WDR37: variants seen among roughly 807,000 people sequenced by gnomAD.
The protein encoded by WDR37 is WD repeat domain 37.
Under a neutral mutation model 62.9 loss-of-function variants are expected in WDR37, and 19 were observed. The ratio of observed to expected loss-of-function variants is 0.30; its 90% CI spans 0.21 to 0.44. The LOEUF (loss-of-function observed/expected upper bound fraction) is 0.44. WDR37 is among the 20% of genes least tolerant of loss of function. The pLI is 1.00. For missense variants in WDR37, 474 were observed against 657.6 expected (o/e 0.72, Z 3.05); for synonymous variants, 250 against 260.9 (o/e 0.96, Z 0.40).
Position 1,056,594 on chromosome 10 carries a change from C to T in WDR37, c.-415C>T, listed in dbSNP as rs1833171602. 1 of 152,288 alleles carries T rather than the reference C, an allele frequency of 6.6e-6. No individual in the cohort carries two copies. The highest frequency in any genetic ancestry group is 2.4e-5 in the African/African-American group (1 of 41,460). The allele number at this position is 152,288 out of a possible 1,614,324, so 9.4% of individuals were successfully genotyped here. On this transcript the variant is annotated 5_prime_UTR_variant, in exon 1 of 14. Coordinates refer to ENST00000263150, the MANE Select transcript of WDR37 (RefSeq NM_014023.4). ...GTAGCTACGACCCCCGAGGCCACCTCCCGCGAACCGCTCGGCGGCAGGAGT... is the reference window on the plus strand; with the variant it reads ...GTAGCTACGACCCCCGAGGCCACCTTCCGCGAACCGCTCGGCGGCAGGAGT...
rs1330623519 is a variant in WDR37, at chr10:1,126,387, CAG to C, written c.1353+1366_1353+1367del. Among the ~76,000 whole-genome samples the C allele has an allele frequency of 9.6e-5, 14 of 145,360 alleles. No homozygotes were observed. In the East Asian group the frequency reaches 1.6e-3, roughly 17 times the overall value. Reference sequence around the variant, plus strand: ...CGCCACTGCACTCCAGCCTGGGCGACAGAGCGAGACTGTGTCTCAGAAAAAAA... The same window carrying C: ...CGCCACTGCACTCCAGCCTGGGCGACAGCGAGACTGTGTCTCAGAAAAAAA... On this transcript the variant is annotated intron_variant, in intron 13 of 13. Coordinates refer to ENST00000263150, the MANE Select transcript of WDR37 (RefSeq NM_014023.4).
intron 7 of WDR37, 95 bp downstream of exon 7, chr10:1,086,452 A>T: frequency 1.0e-6 from 1 of 962,812 alleles, no homozygotes; most frequent in Non-Finnish European, 1.6e-6. Context: ...GCTACTGTGT[A>T]GGAAGCCTTA....
intron 13 of WDR37, 65 bp downstream of exon 13, chr10:1,125,089 A>T (rs1036796578): frequency 1.5e-5 from 23 of 1,568,652 alleles, no homozygotes; most frequent in Non-Finnish European, 2.0e-5. Context: ...GATATTTTAC[A>T]TTCTCATTTT....
chr10:1,091,189 C>T (rs572819636), intron 7 of WDR37, among the ~76,000 whole-genome samples: 2 of 152,326 alleles, frequency 1.3e-5, no homozygotes, highest in South Asian at 2.1e-4. Context: ...TGGTGCCTTC[C>T]ACCCACACCT....
In WDR37 at chr10:1,103,954, C is replaced by T; in HGVS notation, c.961+118C>T. The T allele has an allele frequency of 1.0e-6, 1 of 989,272 alleles. No individual in the cohort carries two copies. The highest frequency in any genetic ancestry group is 1.5e-6 in the Non-Finnish European group (1 of 679,394). 61.3% of individuals were successfully genotyped at this position (989,272 alleles called of 1,614,324 possible). On this transcript the variant is annotated intron_variant, in intron 10 of 13. Transcript: ENST00000263150. This position sits in a 1 kb window ranked among gnomAD's most constrained non-coding sequence, Gnocchi z 6.3. ...AGAATGAGTCTCTGTGTTCTTGGCT[C>T]TTCTGTGGTAATTTTTGGAGATTCT...
chr10:1,073,058 T>C (rs1833773427), intron 2 of WDR37, among the ~76,000 whole-genome samples: 1 of 152,238 alleles, frequency 6.6e-6, no homozygotes, highest in South Asian at 2.1e-4. Flanking sequence ...TAAAATGAAC[T>C]AATTATTTTT....
intron 2 of WDR37, chr10:1,074,257 G>A: frequency 9.1e-7 from 1 of 1,096,360 alleles, no homozygotes; most frequent in Non-Finnish European, 1.2e-6. Context: ...CTGCTGGCAT[G>A]TTCTAGAGTT....
intron 1 of WDR37, among the ~76,000 whole-genome samples, chr10:1,064,520 A>G (rs1306337281): frequency 6.6e-6 from 1 of 151,310 alleles, no homozygotes; most frequent in Non-Finnish European, 1.5e-5. Flanking sequence ...AACTGAAGAC[A>G]GAAGCATAGT....
intron 11 of WDR37, among the ~76,000 whole-genome samples, chr10:1,112,464 T>C (rs549834604): frequency 1.3e-5 from 2 of 152,322 alleles, no homozygotes; most frequent in South Asian, 4.1e-4. Context: ...AACATCCCTA[T>C]AGCAGCCTCT....
At chr10:1,122,392 CAG>C (rs1564513467) in intron 11 of WDR37, among the ~76,000 whole-genome samples, 1 of 152,148 alleles carries the variant, frequency 6.6e-6, no homozygotes, top group African/African-American at 2.4e-5. Flanking sequence ...CCCTGGGAGA[CAG>C]TGTAGGGGTC....
intron 13 of WDR37, 146 bp downstream of exon 13, chr10:1,125,170 A>G: frequency 7.2e-7 from 1 of 1,384,634 alleles, no homozygotes; most frequent in Non-Finnish European, 9.5e-7. Context: ...ATAAAATTTA[A>G]AATTGAAGAA....
intron 11 of WDR37, among the ~76,000 whole-genome samples, chr10:1,118,411 G>A (rs1445518923): frequency 1.2e-4 from 18 of 149,662 alleles, no homozygotes. Flanking sequence ...TCTGTTTGAA[G>A]TCCCTGCACA....
chr10:1,066,438 AAAAC>A (rs1189355642), intron 1 of WDR37, among the ~76,000 whole-genome samples: 3 of 152,188 alleles, frequency 2.0e-5, no homozygotes, highest in Non-Finnish European at 2.9e-5. Context: ...TAATGCAGAA[AAAAC>A]CTTGACATGG....
chr10:1,069,389 A>ATATATATATATATATATATATATTTT, intron 1 of WDR37, among the ~76,000 whole-genome samples: 2 of 95,774 alleles, frequency 2.1e-5, no homozygotes, highest in African/African-American at 9.4e-5. Context: ...ATATATATAT[A>ATATATATATATATATATATATATTTT]TTTTTTTTTT....
Position 1,129,665 on chromosome 10 carries a change from A to C in WDR37, c.*321A>C. On this transcript the variant is annotated 3_prime_UTR_variant, in exon 14 of 14. Transcript: ENST00000263150. Reference sequence around the variant, plus strand: ...ACAGTAGGGCATTACATTTGTGTGAATTAAATGTGAACTTCTGTATTACGT... The same window carrying C: ...ACAGTAGGGCATTACATTTGTGTGACTTAAATGTGAACTTCTGTATTACGT... The C allele has an allele frequency of 4.8e-6, 1 of 209,874 alleles. No homozygotes were observed. Among genetic ancestry groups the C allele is most frequent in the Admixed American group, 5.8e-5 (1 of 17,110 alleles). 13.0% of individuals were successfully genotyped at this position (209,874 alleles called of 1,614,324 possible).
rs756161134 is a variant in WDR37 at position 1,129,348 on chromosome 10, C to T, written c.*4C>T. On this transcript the variant is annotated 3_prime_UTR_variant, in exon 14 of 14. Coordinates refer to ENST00000263150, the MANE Select transcript of WDR37 (RefSeq NM_014023.4). ...TGCATTGCTACAAGAAAAATAAGGA[C>T]ACCGGCAGCCCTTAGTTTCACTGTT... 21 of 1,613,872 alleles carry T rather than the reference C, an allele frequency of 1.3e-5. No homozygotes were observed. The highest frequency in any genetic ancestry group is 1.7e-5 in the Non-Finnish European group (20 of 1,179,946).
chr10:1,062,826 G>T (rs558038612), intron 1 of WDR37, among the ~76,000 whole-genome samples: 5 of 152,124 alleles, frequency 3.3e-5, no homozygotes, highest in African/African-American at 1.2e-4. Context: ...AGTGGCTCAC[G>T]CCTGTAATCC....
intron 13 of WDR37, among the ~76,000 whole-genome samples, chr10:1,126,371 A>G (rs369169067): frequency 0.014 from 2,123 of 147,298 alleles, 24 homozygotes; most frequent in Non-Finnish European, 0.022. Flanking sequence ...GCGCCACTGC[A>G]CTCCAGCCTG....
Position 1,078,002 on chromosome 10 carries a change from A to T in WDR37, c.234A>T (p.Glu78Asp). 1 of 1,598,238 alleles carries T rather than the reference A, an allele frequency of 6.3e-7. No individual in the cohort carries two copies. Among genetic ancestry groups the T allele is most frequent in the South Asian group, 1.1e-5 (1 of 89,776 alleles). Reference protein sequence around the residue: ...EFENLYIENLELRREIDTLNE... With the variant: ...EFENLYIENLDLRREIDTLNE... ...AAAACCTTTATATCGAAAACTTAGAATGTGAGTATCTCCTATTTTAATATA... is the reference window on the plus strand; with the variant it reads ...AAAACCTTTATATCGAAAACTTAGATTGTGAGTATCTCCTATTTTAATATA... The change falls in exon 3 of 14, where the codon GAA becomes GAT. Residue 78 changes from glutamate (E) to aspartate (D), a missense_variant and splice_region_variant. By Grantham distance (45) the Glu-to-Asp change is conservative. Coordinates refer to ENST00000263150, the MANE Select transcript of WDR37 (RefSeq NM_014023.4).
Sources: gnomAD v4.1 joint callset for allele counts (sites outside exome capture counted in the v4.1 genomes callset) on GRCh38, gnomAD v4.1.1 for gene constraint, Gnocchi (gnomAD v3.1) non-coding constraint, MANE v1.5 for transcripts, NCBI Gene and HGNC (gene_info 2026-07-23, HGNC 2026-07-21) for gene names.